Variants in TRPV2 observed in about 807,000 individuals in gnomAD.
TRPV2 encodes the protein transient receptor potential cation channel subfamily V member 2.
In TRPV2, 58 loss-of-function variants were observed where a neutral mutation model predicts 91.0. The ratio of observed to expected loss-of-function variants is 0.64; its 90% CI spans 0.52 to 0.79. The LOEUF (loss-of-function observed/expected upper bound fraction) is 0.79, where lower values mean the gene tolerates loss of function less well. Among genes scored for constraint, TRPV2 ranks in the 30% least tolerant of loss-of-function variants. The pLI is 0.00. For synonymous variants in TRPV2, 417 were observed against 414.8 expected (o/e 1.01, Z -0.06); for missense variants, 807 against 969.6 (o/e 0.83, Z 2.23).
intron 2 of TRPV2, 136 bp from the exon 3 acceptor site, chr17:16,419,979 G>A: frequency 7.8e-7 from 1 of 1,285,584 alleles, no homozygotes; most frequent in Non-Finnish European, 1.1e-6. Context: ...CCCTCAGAAG[G>A]GCTCTCACTG....
intron 2 of TRPV2, among the ~76,000 whole-genome samples, chr17:16,419,627 G>C (rs2142979558): frequency 6.6e-6 from 1 of 152,352 alleles, no homozygotes. Context: ...ATATTCTGTA[G>C]TTAATAGATG....
chr17:16,425,753 G>A (rs551905807), intron 5 of TRPV2, among the ~76,000 whole-genome samples: 3 of 152,248 alleles, frequency 2.0e-5, no homozygotes, highest in African/African-American at 2.4e-5. Flanking sequence ...TTCTGACCGC[G>A]AAAGTGCACA....
Position 16,417,666 on chromosome 17 carries a change from A to G in TRPV2, c.-3A>G. On this transcript the variant is annotated 5_prime_UTR_variant, in exon 2 of 15. Coordinates refer to ENST00000338560, the MANE Select transcript of TRPV2 (RefSeq NM_016113.5). The stretch of plus-strand genomic sequence containing the variant: ...CTGGACCGAGCAGCCTCCTCCTCCT[A>G]GGATGACCTCACCCTCCAGCTCTCC... 4 of 1,613,372 alleles carry G rather than the reference A, an allele frequency of 2.5e-6. No homozygotes were observed. The highest frequency in any genetic ancestry group is 3.4e-6 in the Non-Finnish European group (4 of 1,179,604).
At chr17:16,431,299 T>A (rs867075877) in intron 10 of TRPV2, among the ~76,000 whole-genome samples, 7,212 of 92,600 alleles carry the variant, frequency 0.078, 495 homozygotes, top group Non-Finnish European at 0.12. Context: ...ATATTTTTTT[T>A]TTTTTTTTTT....
At chr17:16,422,932 A>T (rs372386696) in intron 4 of TRPV2, 43 bp downstream of exon 4, 22 of 1,539,428 alleles carry the variant, frequency 1.4e-5, no homozygotes, top group Non-Finnish European at 1.9e-5. Flanking sequence ...AAGAGAGAGT[A>T]AGGCCTGGTT....
intron 10 of TRPV2, 109 bp downstream of exon 10, chr17:16,429,091 C>T (rs563326150): frequency 2.2e-5 from 27 of 1,227,648 alleles, no homozygotes; most frequent in Middle Eastern, 2.7e-4. Flanking sequence ...TCTGCCTGTG[C>T]GCCAGCACTC....
At chr17:16,431,291 A>AT (rs1167449708) in intron 10 of TRPV2, among the ~76,000 whole-genome samples, 8,917 of 67,232 alleles carry the variant, frequency 0.13, 1,270 homozygotes, top group East Asian at 0.41. Flanking sequence ...ATATATACAT[A>AT]TTTTTTTTTT....
intron 4 of TRPV2, 22 bp from the exon 5 acceptor site, chr17:16,423,447 A>C: frequency 1.3e-6 from 2 of 1,576,804 alleles, no homozygotes; most frequent in Non-Finnish European, 8.6e-7. Flanking sequence ...CCTGGGGCCC[A>C]AGCTGCTCTC....
Position 16,426,022 on chromosome 17 carries a change from T to C in TRPV2, c.925-77T>C. ...CAGACCGTGGGCAGCTGCTGAGTCC[T>C]GGGTGTTTCCCAGCCTTGGCCCAGG... is the stretch of plus-strand genomic sequence containing the variant. On this transcript the variant is annotated intron_variant, in intron 5 of 14. Transcript: ENST00000338560. This position sits in a 1 kb window ranked among gnomAD's most constrained non-coding sequence, Gnocchi z 6.0. The C allele has an allele frequency of 6.4e-7, 1 of 1,554,996 alleles. No individual in the cohort carries two copies. The highest frequency in any genetic ancestry group is 1.2e-5 in the South Asian group (1 of 85,778).
In TRPV2 at chr17:16,433,863, C is replaced by T. The variant is rs116233036; in HGVS notation, c.2114+165C>T. Among the ~76,000 whole-genome samples the T allele has an allele frequency of 2.4e-3, 368 of 152,362 alleles. 1 individual carries two copies. Among genetic ancestry groups the T allele is most frequent in the African/African-American group, 8.5e-3 (352 of 41,594 alleles). The stretch of plus-strand genomic sequence containing the variant: ...AGCAGGTGAGGTCAGGGGTCTGGAT[C>T]TCACAAGCCATGGCTGCCACATGAC... On this transcript the variant is annotated intron_variant, in intron 13 of 14. Coordinates refer to ENST00000338560, the MANE Select transcript of TRPV2 (RefSeq NM_016113.5).
At chr17:16,430,812 A>G (rs1305682143) in intron 10 of TRPV2, among the ~76,000 whole-genome samples, 24 of 152,194 alleles carry the variant, frequency 1.6e-4, no homozygotes, top group Non-Finnish European at 1.9e-4. Flanking sequence ...AGGCTGAATA[A>G]TATCCCATTG....
chr17:16,420,970 C>A (rs113406871), intron 3 of TRPV2, among the ~76,000 whole-genome samples: 12 of 152,272 alleles, frequency 7.9e-5, no homozygotes, highest in Non-Finnish European at 1.8e-4. Flanking sequence ...GGTCTTGACA[C>A]ATATACTAAT....
chr17:16,434,467 C>CAAAA (rs10634588), intron 13 of TRPV2, among the ~76,000 whole-genome samples: 6 of 109,736 alleles, frequency 5.5e-5, no homozygotes, highest in African/African-American at 1.5e-4. Flanking sequence ...GACTCCATCT[C>CAAAA]AAAAAAAAAA....
intron 10 of TRPV2, among the ~76,000 whole-genome samples, chr17:16,430,777 C>T (rs1209639150): frequency 6.6e-6 from 1 of 152,266 alleles, no homozygotes; most frequent in African/African-American, 2.4e-5. Flanking sequence ...TGAGCCATCA[C>T]GCCCAGCCAA....
In TRPV2 at chr17:16,436,928, G is replaced by A. The variant is rs909632553; in HGVS notation, c.*39G>A. ...GCAGGAGGCCAGAGGACAGAGCAGA[G>A]GATCTTTCCAACCACATCTGCTGGC... On this transcript the variant is annotated 3_prime_UTR_variant, in exon 15 of 15. Transcript: ENST00000338560. 3.9e-6 allele frequency: 6 copies of A among 1,527,788 alleles called. No homozygotes were observed. In the African/African-American group the frequency reaches 5.5e-5, roughly 14 times the overall value. 94.6% of individuals were successfully genotyped at this position (1,527,788 alleles called of 1,614,324 possible).
At chr17:16,422,335 A>G (rs1203718147) in intron 3 of TRPV2, among the ~76,000 whole-genome samples, 2 of 148,554 alleles carry the variant, frequency 1.3e-5, no homozygotes, top group African/African-American at 4.9e-5. Flanking sequence ...AAAAAAAAAA[A>G]AAAGAAAAGA....
chr17:16,431,275 ATATATATATATACATATTTTTTTTTT>A (rs2093409209), intron 10 of TRPV2, among the ~76,000 whole-genome samples: 1 of 74,810 alleles, frequency 1.3e-5, no homozygotes, highest in African/African-American at 5.9e-5. Flanking sequence ...ATATATATAT[ATATATATATATACATATTTTTTTTTT>A]TTTTTTTTTT....
At chr17:16,432,407 T>C in intron 12 of TRPV2, 107 bp downstream of exon 12, 2 of 955,934 alleles carry the variant, frequency 2.1e-6, no homozygotes, top group Admixed American at 2.9e-5. Context: ...GATGCCGGGT[T>C]GGGCAGCTCT....
rs1191597610 is a variant in TRPV2, at chr17:16,423,508, G to A, written c.665G>A (p.Trp222Ter). 6.2e-7 allele frequency: 1 copy of A among 1,613,766 alleles called. No individual in the cohort carries two copies. Among genetic ancestry groups the A allele is most frequent in the Non-Finnish European group, 8.5e-7 (1 of 1,179,822 alleles). The stretch of plus-strand genomic sequence containing the variant: ...TCTTTGGCCGCTTGCACCAAGCAGT[G>A]GGATGTGGTAAGCTACCTCCTGGAG... ...PLSLAACTKQ[W>*]DVVSYLLENP... Residue 222 changes from tryptophan to a stop codon, truncating the protein, a stop_gained, in exon 5 of 15, where the codon TGG (tryptophan) becomes TAG (stop). Transcript: ENST00000338560. LOFTEE classifies it high-confidence loss of function.
Sources: allele counts gnomAD v4.1 joint callset (sites outside exome capture counted in the v4.1 genomes callset), GRCh38; gene constraint gnomAD v4.1.1; non-coding constraint Gnocchi (gnomAD v3.1); transcripts MANE v1.5; gene names NCBI Gene and HGNC (gene_info 2026-07-23, HGNC 2026-07-21).